Variants in VPS26A observed in about 807,000 individuals in gnomAD.
The protein encoded by VPS26A is VPS26 retromer complex component A.
A neutral mutation model predicts 42.4 loss-of-function variants in VPS26A; 22 were observed. The observed-to-expected ratio is 0.52, with a 90% CI of 0.37 to 0.74. The LOEUF (loss-of-function observed/expected upper bound fraction) is 0.74. Ranked by LOEUF, VPS26A falls within the 30% of genes least tolerant of loss-of-function variation. VPS26A has a pLI of 0.00. For missense variants in VPS26A, 276 were observed against 379.2 expected, an observed-to-expected ratio of 0.73 and a Z score of 2.26; for synonymous variants, 110 against 123.5, an observed-to-expected ratio of 0.89 and a Z score of 0.73.
intron 2 of VPS26A, among the ~76,000 whole-genome samples, chr10:69,137,751 A>G (rs1589348129): frequency 1.3e-5 from 2 of 152,074 alleles, no homozygotes; most frequent in South Asian, 4.2e-4. Flanking sequence ...TGTGTACACC[A>G]TGGGATAGTA....
At chr10:69,154,742 T>C (rs1418308306) in intron 2 of VPS26A, among the ~76,000 whole-genome samples, 4 of 151,850 alleles carry the variant, frequency 2.6e-5, no homozygotes, top group Non-Finnish European at 5.9e-5. Flanking sequence ...TATGCATCCC[T>C]ATAGTCCCAG....
chr10:69,155,913 TTTTTCTTTGATAACTGAA>T, intron 3 of VPS26A, 26 bp downstream of exon 3: 1 of 1,546,372 alleles, frequency 6.5e-7, no homozygotes, highest in South Asian at 1.2e-5. Flanking sequence ...GTATTATTTC[TTTTTCTTTGATAACTGAA>T]TTTGAAGAGG....
chr10:69,143,059 TA>T (rs1227283033), intron 2 of VPS26A, among the ~76,000 whole-genome samples: 15 of 152,312 alleles, frequency 9.8e-5, no homozygotes, highest in South Asian at 2.1e-4. Flanking sequence ...TTTAGATTAT[TA>T]AATAGGTGAT....
Position 69,173,404 on chromosome 10 carries a change from G to T in VPS26A, c.*2135G>T, listed in dbSNP as rs570375146. On this transcript the variant is annotated 3_prime_UTR_variant, in exon 9 of 9. Coordinates refer to ENST00000263559, the MANE Select transcript of VPS26A (RefSeq NM_004896.5). ...CCACTTCAGGAGTCTGAGGCGGAAG[G>T]ATCACCTGGAATTCGAGACCAGCCT... Among the ~76,000 whole-genome samples, 1 of 152,236 alleles carries T rather than the reference G, an allele frequency of 6.6e-6. No homozygotes were observed. The highest frequency in any genetic ancestry group is 6.5e-5 in the Admixed American group (1 of 15,278).
intron 2 of VPS26A, chr10:69,133,586 T>G: frequency 7.8e-7 from 1 of 1,289,742 alleles, no homozygotes; most frequent in South Asian, 1.2e-5. Context: ...TGGTCAGATA[T>G]GTTTATGACG....
chr10:69,154,262 C>T (rs758689022), intron 2 of VPS26A, among the ~76,000 whole-genome samples: 2 of 152,180 alleles, frequency 1.3e-5, no homozygotes, highest in South Asian at 2.1e-4. Flanking sequence ...TCTGGCTGGG[C>T]GTGATGACTC....
At chr10:69,129,162 C>T (rs1840721984) in intron 1 of VPS26A, among the ~76,000 whole-genome samples, 1 of 152,078 alleles carries the variant, frequency 6.6e-6, no homozygotes, top group Non-Finnish European at 1.5e-5. Context: ...TGTTTTCCAT[C>T]TAAAATAGAC....
At chr10:69,138,535 G>A (rs1454343195) in intron 2 of VPS26A, among the ~76,000 whole-genome samples, 3 of 152,138 alleles carry the variant, frequency 2.0e-5, no homozygotes, top group Admixed American at 6.5e-5. Context: ...GCACTCAGCC[G>A]TATCTTTCAA....
intron 6 of VPS26A, among the ~76,000 whole-genome samples, chr10:69,163,389 T>C (rs971959960): frequency 2.6e-5 from 4 of 152,224 alleles, no homozygotes; most frequent in Admixed American, 6.5e-5. Context: ...CAAAGTGTTA[T>C]GATTACAGGC....
At position 69,162,430 on chromosome 10, in the gene VPS26A, T is replaced by C. The variant is rs1182925580; in HGVS notation, c.576T>C (p.Val192=). 2 of 1,535,100 alleles carry C rather than the reference T, an allele frequency of 1.3e-6. No homozygotes were observed. The highest frequency in any genetic ancestry group is 1.8e-6 in the Non-Finnish European group (2 of 1,115,772). ...GGTATCATTTAAAGGATGTGATTGTTGGAAAAATTTACTTCTTATTAGTAA... is the reference window on the plus strand; with the variant it reads ...GGTATCATTTAAAGGATGTGATTGTCGGAAAAATTTACTTCTTATTAGTAA... ...KSKYHLKDVI[V]GKIYFLLVRI... The change falls in exon 6 of 9, where the codon GTT becomes GTC. Residue 192 remains valine (V), a synonymous_variant. Coordinates refer to ENST00000263559, the MANE Select transcript of VPS26A (RefSeq NM_004896.5).
At chr10:69,143,435 G>T (rs1841086431) in intron 2 of VPS26A, among the ~76,000 whole-genome samples, 1 of 152,174 alleles carries the variant, frequency 6.6e-6, no homozygotes, top group Admixed American at 6.5e-5. Context: ...CCCACAGCAA[G>T]AATAAATTCC....
intron 2 of VPS26A, among the ~76,000 whole-genome samples, chr10:69,136,901 C>T (rs967440079): frequency 6.6e-6 from 1 of 152,080 alleles, no homozygotes; most frequent in Non-Finnish European, 1.5e-5. Context: ...AAGTGATTCT[C>T]CTGCCTCAGC....
chr10:69,155,664 C>CA, intron 2 of VPS26A, 148 bp from the exon 3 acceptor site: 1 of 664,790 alleles, frequency 1.5e-6, no homozygotes, highest in East Asian at 2.8e-5. Flanking sequence ...GGTGCTATAA[C>CA]ATCATCCTGA....
At chr10:69,137,778 T>C (rs1840947766) in intron 2 of VPS26A, among the ~76,000 whole-genome samples, 1 of 151,936 alleles carries the variant, frequency 6.6e-6, no homozygotes, top group Non-Finnish European at 1.5e-5. Context: ...AGGGCTATCT[T>C]AGAATTCTGC....
At chr10:69,168,774 G>A (rs1321293412) in intron 8 of VPS26A, 143 bp downstream of exon 8, 1 of 1,009,374 alleles carries the variant, frequency 9.9e-7, no homozygotes, top group Non-Finnish European at 1.4e-6. Context: ...TAAAGAAGTA[G>A]AGGAGAATAG....
intron 8 of VPS26A, 138 bp from the exon 9 acceptor site, chr10:69,171,018 G>T: frequency 2.9e-6 from 2 of 682,122 alleles, no homozygotes. Flanking sequence ...GGAAGAAAGT[G>T]GAAAAGAAGT....
chr10:69,145,923 ATCT>A (rs1245152519), intron 2 of VPS26A, among the ~76,000 whole-genome samples: 1 of 151,972 alleles, frequency 6.6e-6, no homozygotes, highest in Non-Finnish European at 1.5e-5. Context: ...TAATTTACAA[ATCT>A]TCTTTCTTTC....
intron 6 of VPS26A, 66 bp downstream of exon 6, chr10:69,162,578 T>C: frequency 9.4e-7 from 1 of 1,068,046 alleles, no homozygotes; most frequent in Non-Finnish European, 1.3e-6. Flanking sequence ...AATCTTAAAA[T>C]ATTGTTTAAA....
intron 2 of VPS26A, among the ~76,000 whole-genome samples, chr10:69,145,726 CTTTTTTTTTTT>C (rs59254404): frequency 6.8e-6 from 1 of 146,248 alleles, no homozygotes; most frequent in Admixed American, 6.8e-5. Context: ...TTTTTCTTTT[CTTTTTTTTTTT>C]TAAATAGCCT....
Sources: gnomAD v4.1 joint callset for allele counts (sites outside exome capture counted in the v4.1 genomes callset) on GRCh38, gnomAD v4.1.1 for gene constraint, MANE v1.5 for transcripts, NCBI Gene and HGNC (gene_info 2026-07-23, HGNC 2026-07-21) for gene names.